The following DENND1A variants were observed in gnomAD, a reference collection of about 807,000 sequenced individuals.
DENND1A encodes the protein DENN domain containing 1A.
DENND1A carries 51 observed loss-of-function variants against 113.7 expected under a neutral mutation model. The observed-to-expected ratio is 0.45, with a 90% CI of 0.36 to 0.57. DENND1A has a LOEUF of 0.57. Ranked by LOEUF, DENND1A falls within the 20% of genes least tolerant of loss-of-function variation. The pLI is 0.00. For missense variants in DENND1A, 1,258 were observed against 1,395.9 expected, an observed-to-expected ratio of 0.90 and a Z score of 1.57; for synonymous variants, 565 against 570.8, an observed-to-expected ratio of 0.99 and a Z score of 0.14.
chr9:123,844,019 T>A (rs1010102049), intron 2 of DENND1A, among the ~76,000 whole-genome samples: 1 of 151,958 alleles, frequency 6.6e-6, no homozygotes, highest in East Asian at 1.9e-4. Flanking sequence ...AAATCCAATA[T>A]CCTTTCATAA....
At chr9:123,541,514 G>C (rs1017623952) in intron 13 of DENND1A, among the ~76,000 whole-genome samples, 2 of 152,124 alleles carry the variant, frequency 1.3e-5, no homozygotes, top group Non-Finnish European at 2.9e-5. Flanking sequence ...AACATTCCTC[G>C]CAGTAGGAAT....
At chr9:123,660,198 G>A (rs1401387629) in intron 8 of DENND1A, among the ~76,000 whole-genome samples, 3 of 152,066 alleles carry the variant, frequency 2.0e-5, no homozygotes, top group African/African-American at 7.2e-5. Flanking sequence ...TACCCCTTTC[G>A]GAGTAGCTCT....
chr9:123,565,738 T>C (rs895283574), intron 12 of DENND1A, among the ~76,000 whole-genome samples: 17 of 152,200 alleles, frequency 1.1e-4, no homozygotes, highest in African/African-American at 3.6e-4. Context: ...ACACTGGCAA[T>C]GAGAAATGGC....
At chr9:123,582,704 T>A (rs759168269) in intron 12 of DENND1A, among the ~76,000 whole-genome samples, 11 of 116,016 alleles carry the variant, frequency 9.5e-5, no homozygotes, top group Admixed American at 4.7e-4. Context: ...CGGCCATTTC[T>A]TTTTTATTTT....
At chr9:123,562,626 ACTTT>A (rs2057823180) in intron 12 of DENND1A, among the ~76,000 whole-genome samples, 1 of 152,246 alleles carries the variant, frequency 6.6e-6, no homozygotes, top group South Asian at 2.1e-4. Context: ...GGATGCTTTC[ACTTT>A]CTATTTTACA....
At chr9:123,928,249 T>A (rs1340080339) in intron 1 of DENND1A, among the ~76,000 whole-genome samples, 2 of 152,262 alleles carry the variant, frequency 1.3e-5, no homozygotes, top group Non-Finnish European at 2.9e-5. Flanking sequence ...TCTGAACTTT[T>A]ACTTGCTGGA....
At chr9:123,751,288 A>G (rs544572874) in intron 5 of DENND1A, 13 of 152,316 alleles carry the variant, frequency 8.5e-5, no homozygotes, top group African/African-American at 2.4e-4. Context: ...TTGAGATCAG[A>G]AAGTGCTCCA....
chr9:123,769,725 T>A (rs901001129), intron 3 of DENND1A, among the ~76,000 whole-genome samples, 162 bp from the exon 4 acceptor site: 4 of 152,014 alleles, frequency 2.6e-5, no homozygotes, highest in African/African-American at 9.7e-5. Flanking sequence ...CAGTCAATCA[T>A]GAGAAATAAT....
At chr9:123,485,824 ACT>A (rs1247167294) in intron 13 of DENND1A, among the ~76,000 whole-genome samples, 17 of 151,594 alleles carry the variant, frequency 1.1e-4, no homozygotes, top group African/African-American at 3.9e-4. Flanking sequence ...TGGATCAAAG[ACT>A]CTGTTTTTGG....
chr9:123,383,650 C>T lies in DENND1A; in HGVS notation c.2019+5G>A. On this transcript the variant is annotated splice_donor_5th_base_variant and intron_variant, in intron 23 of 23. Coordinates refer to ENST00000394215, the MANE Select transcript of DENND1A (RefSeq NM_001352964.2). ...GGCCGATACCCTCCCTTGCCCATGC[C>T]ATACCTGATAGTCAAAGGTCCCTGG... is the stretch of plus-strand genomic sequence containing the variant. 6.2e-7 allele frequency: 1 copy of T among 1,612,266 alleles called. No individual in the cohort carries two copies. Among genetic ancestry groups the T allele is most frequent in the East Asian group, 2.2e-5 (1 of 44,840 alleles).
intron 21 of DENND1A, among the ~76,000 whole-genome samples, chr9:123,397,743 G>A (rs2043208151): frequency 6.6e-6 from 1 of 152,218 alleles, no homozygotes. Flanking sequence ...GAATGAATTT[G>A]TCTCTTTTCC....
chr9:123,897,914 C>T (rs1851019360), intron 1 of DENND1A, among the ~76,000 whole-genome samples: 2 of 149,828 alleles, frequency 1.3e-5, no homozygotes, highest in Non-Finnish European at 3.0e-5. Context: ...CACTCCACTC[C>T]GGGCAACAGA....
At chr9:123,817,285 A>G (rs1837653069) in intron 2 of DENND1A, among the ~76,000 whole-genome samples, 1 of 152,190 alleles carries the variant, frequency 6.6e-6, no homozygotes, top group East Asian at 1.9e-4. Flanking sequence ...CTTTATACCA[A>G]ATTACAATAG....
intron 3 of DENND1A, among the ~76,000 whole-genome samples, chr9:123,779,640 T>C (rs937736272): frequency 8.6e-5 from 13 of 152,024 alleles, no homozygotes; most frequent in South Asian, 2.1e-4. Context: ...CCTGAGACCA[T>C]AGGCGCGGAC....
intron 2 of DENND1A, among the ~76,000 whole-genome samples, chr9:123,865,884 CTAACTA>C (rs1845740311): frequency 6.6e-6 from 1 of 152,134 alleles, no homozygotes; most frequent in Non-Finnish European, 1.5e-5. Context: ...CCAAATTTCT[CTAACTA>C]TATTTTGGGG....
rs754919700 is a variant in DENND1A at position 123,557,656 on chromosome 9, T to C, written c.907A>G (p.Thr303Ala). The C allele has an allele frequency of 2.2e-5, 35 of 1,613,888 alleles. No individual in the cohort carries two copies. Among genetic ancestry groups the C allele is most frequent in the Non-Finnish European group, 3.0e-5 (35 of 1,179,968 alleles). The change falls in exon 13 of 24, where the codon ACC becomes GCC. Residue 303 changes from threonine (T) to alanine (A), a missense_variant. Transcript: ENST00000394215. Reference sequence around the variant, plus strand: ...GCTCTGGCCACACCATCCCCAGTGGTTGTGGAGACCTTTTTCAGCCTGTTC... The same window carrying C: ...GCTCTGGCCACACCATCCCCAGTGGCTGTGGAGACCTTTTTCAGCCTGTTC... ...LKNRLKKVST[T>A]TGDGVARAFL...
intron 19 of DENND1A, among the ~76,000 whole-genome samples, chr9:123,430,839 TGAA>T (rs2046082326): frequency 6.6e-6 from 1 of 152,052 alleles, no homozygotes; most frequent in Non-Finnish European, 1.5e-5. Context: ...AAGTAAATAT[TGAA>T]GAAGAAAAAA....
At chr9:123,703,257 C>G (rs2065986391) in intron 5 of DENND1A, among the ~76,000 whole-genome samples, 1 of 152,126 alleles carries the variant, frequency 6.6e-6, no homozygotes, top group South Asian at 2.1e-4. Flanking sequence ...CAGGTGTGAG[C>G]CACTGCACCC....
In DENND1A at chr9:123,683,749, G is replaced by A. The variant is rs1022924582; in HGVS notation, c.303-6960C>T. Among the ~76,000 whole-genome samples, 25 of 152,220 alleles carry A rather than the reference G, an allele frequency of 1.6e-4. No homozygotes were observed. In the East Asian group the frequency reaches 1.9e-3, roughly 12 times the overall value. ...GTGTCAACTCCATGAGATCAAGGAC[G>A]GTGACTGTGTATTGACTATTTAACC... On this transcript the variant is annotated intron_variant, in intron 5 of 23. Transcript: ENST00000394215.
Sources: gnomAD v4.1 joint callset for allele counts (sites outside exome capture counted in the v4.1 genomes callset) on GRCh38, gnomAD v4.1.1 for gene constraint, MANE v1.5 for transcripts, NCBI Gene and HGNC (gene_info 2026-07-23, HGNC 2026-07-21) for gene names.